CELSR1: variants seen among roughly 807,000 people sequenced by gnomAD.
CELSR1 encodes the protein cadherin EGF LAG seven-pass G-type receptor 1, also known as adhesion G protein-coupled receptor C1.
Under a neutral mutation model 249.1 loss-of-function variants are expected in CELSR1, and 110 were observed. That is an observed-to-expected ratio of 0.44 (90% CI 0.38 to 0.52). The LOEUF (loss-of-function observed/expected upper bound fraction) is 0.52, where lower values mean the gene tolerates loss of function less well. CELSR1 is among the 20% of genes least tolerant of loss of function. CELSR1 has a pLI of 0.00. For missense variants in CELSR1, 4,109 were observed against 4,296.4 expected, an observed-to-expected ratio of 0.96 and a Z score of 1.22; for synonymous variants, 2,113 against 1,900.0, an observed-to-expected ratio of 1.11 and a Z score of -2.92.
intron 1 of CELSR1, among the ~76,000 whole-genome samples, chr22:46,476,648 A>AC: frequency 6.6e-6 from 1 of 152,088 alleles, no homozygotes; most frequent in African/African-American, 2.4e-5. Context: ...CGTGCATGAA[A>AC]CTCACAAACT....
At chr22:46,511,280 C>T (rs1448072061) in intron 1 of CELSR1, among the ~76,000 whole-genome samples, 2 of 152,132 alleles carry the variant, frequency 1.3e-5, no homozygotes, top group Admixed American at 1.3e-4. Flanking sequence ...CAAGGGCACA[C>T]CTGGAGACTC....
At chr22:46,420,051 C>T (rs1441489520) in intron 5 of CELSR1, among the ~76,000 whole-genome samples, 1 of 150,970 alleles carries the variant, frequency 6.6e-6, no homozygotes, top group East Asian at 2.0e-4. Context: ...CTCAAATGTG[C>T]ACTCACCCAC....
chr22:46,495,328 A>T (rs895112514), intron 1 of CELSR1, among the ~76,000 whole-genome samples: 1 of 152,232 alleles, frequency 6.6e-6, no homozygotes, highest in East Asian at 1.9e-4. Flanking sequence ...AAGTCTAAAC[A>T]TATCTAAATA....
chr22:46,481,419 T>C lies in CELSR1; in HGVS notation c.3545-17074A>G, dbSNP rs145704683. Reference sequence around the variant, plus strand: ...CATCCACACACTTGGTCACACCACCTTCCAGCTTCTGCTTCAACTGAAGCT... The same window carrying C: ...CATCCACACACTTGGTCACACCACCCTCCAGCTTCTGCTTCAACTGAAGCT... On this transcript the variant is annotated intron_variant, in intron 1 of 34. Coordinates refer to ENST00000674500, the MANE Select transcript of CELSR1 (RefSeq NM_001378328.1). The C allele has an allele frequency of 6.0e-4, 887 of 1,485,970 alleles. 6 individuals carry two copies. In the African/African-American group the frequency reaches 0.011, roughly 18 times the overall value. 92.0% of individuals were successfully genotyped at this position (1,485,970 alleles called of 1,614,324 possible).
rs143090993 is a variant in CELSR1, at chr22:46,457,546, C to T, written c.4183+6161G>A. Among the ~76,000 whole-genome samples the T allele has an allele frequency of 6.6e-5, 10 of 152,300 alleles. No homozygotes were observed. The East Asian group carries it at 1.9e-3, about 29-fold the overall frequency. On this transcript the variant is annotated intron_variant, in intron 2 of 34. Transcript: ENST00000674500. Reference sequence around the variant, plus strand: ...AGATGTTCAGCCTTGCAGAAAAACCCGCCTTTCCTGTGATATCAGAGCTGC... The same window carrying T: ...AGATGTTCAGCCTTGCAGAAAAACCTGCCTTTCCTGTGATATCAGAGCTGC...
rs1423461248 is a variant in CELSR1 at position 46,423,837 on chromosome 22, T to C, written c.4611+9556A>G. ...AAATACCAAAATTAGCCAGGCGTGGTGGTGGTGCGCACCTGTAATCCCAGC... is the reference window on the plus strand; with the variant it reads ...AAATACCAAAATTAGCCAGGCGTGGCGGTGGTGCGCACCTGTAATCCCAGC... On this transcript the variant is annotated intron_variant, in intron 5 of 34. Transcript: ENST00000674500. This position sits in a 1 kb window ranked among gnomAD's most constrained non-coding sequence, Gnocchi z 5.6. Among the ~76,000 whole-genome samples the C allele has an allele frequency of 6.6e-6, 1 of 151,630 alleles. No individual in the cohort carries two copies.
At position 46,473,815 on chromosome 22, in the gene CELSR1, G is replaced by T. The variant is rs1354317319; in HGVS notation, c.3545-9470C>A. 1.3e-5 allele frequency among the ~76,000 whole-genome samples: 2 copies of T among 152,126 alleles called. No homozygotes were observed. Among genetic ancestry groups the T allele is most frequent in the African/African-American group, 4.8e-5 (2 of 41,412 alleles). On this transcript the variant is annotated intron_variant, in intron 1 of 34. Coordinates refer to ENST00000674500, the MANE Select transcript of CELSR1 (RefSeq NM_001378328.1). This position sits in a 1 kb window ranked among gnomAD's most constrained non-coding sequence, Gnocchi z 6.6. Reference sequence around the variant, plus strand: ...CTGTGTGCGTCTCTCTCTCTTCTGGGTTTGTTTTGTTTTGTTTTAGAGGCC... The same window carrying T: ...CTGTGTGCGTCTCTCTCTCTTCTGGTTTTGTTTTGTTTTGTTTTAGAGGCC...
At chr22:46,516,170 C>A (rs563098790) in intron 1 of CELSR1, among the ~76,000 whole-genome samples, 10 of 152,116 alleles carry the variant, frequency 6.6e-5, no homozygotes, top group Non-Finnish European at 1.3e-4. Flanking sequence ...ATGTTTATTG[C>A]GGCACTACTC....
At position 46,473,116 on chromosome 22, in the gene CELSR1, C is replaced by T. The variant is rs3788704; in HGVS notation, c.3545-8771G>A. On this transcript the variant is annotated intron_variant, in intron 1 of 34. Transcript: ENST00000674500. The surrounding 1 kb of genome is among the most constrained non-coding windows in gnomAD (Gnocchi z 6.6). Reference sequence around the variant, plus strand: ...GACTGCTGCCGGCCTCGTGGGCTCTCGGTGCAGGACGGCGGGGGTGGCTGA... The same window carrying T: ...GACTGCTGCCGGCCTCGTGGGCTCTTGGTGCAGGACGGCGGGGGTGGCTGA... Among the ~76,000 whole-genome samples the T allele has an allele frequency of 0.12, 18,493 of 152,044 alleles. 1,153 individuals are homozygous for T. The highest frequency in any genetic ancestry group is 0.14 in the Admixed American group (2,193 of 15,280).
intron 2 of CELSR1, among the ~76,000 whole-genome samples, chr22:46,444,190 C>A (rs771006293): frequency 7.2e-5 from 11 of 152,234 alleles, no homozygotes; most frequent in Non-Finnish European, 1.3e-4. Context: ...TCCCCTCATC[C>A]GAGGGCTGGA....
rs745630558 is a variant in CELSR1, at chr22:46,363,137, T to G, written c.*86A>C. The G allele has an allele frequency of 6.2e-6, 10 of 1,613,688 alleles. No individual in the cohort carries two copies. In the South Asian group the frequency reaches 1.1e-4, roughly 18 times the overall value. On this transcript the variant is annotated 3_prime_UTR_variant, in exon 35 of 35. Transcript: ENST00000674500. The surrounding 1 kb of genome is among the most constrained non-coding windows in gnomAD (Gnocchi z 4.3). The stretch of plus-strand genomic sequence containing the variant: ...CAGTGGCCCCTTGGGCTCCAAGGTC[T>G]GAGGGTGATGCCGCAGCCTGTGTGG...
At chr22:46,474,413 C>T (rs575903941) in intron 1 of CELSR1, among the ~76,000 whole-genome samples, 2 of 152,258 alleles carry the variant, frequency 1.3e-5, no homozygotes, top group East Asian at 3.9e-4. Flanking sequence ...CCGTTGGTCC[C>T]ACCTAGTCTT....
intron 1 of CELSR1, among the ~76,000 whole-genome samples, chr22:46,511,794 C>T (rs1271073673): frequency 2.0e-5 from 3 of 152,102 alleles, no homozygotes; most frequent in East Asian, 3.9e-4. Flanking sequence ...GGAGGTGTCT[C>T]CCTGGTATGG....
rs2078902922 is a variant in CELSR1 at position 46,374,959 on chromosome 22, C to A, written c.7585-1902G>T. On this transcript the variant is annotated intron_variant, in intron 24 of 34. Coordinates refer to ENST00000674500, the MANE Select transcript of CELSR1 (RefSeq NM_001378328.1). This position sits in a 1 kb window ranked among gnomAD's most constrained non-coding sequence, Gnocchi z 4.3. ...AAGGTTGGCCCTGGCTGGTCTGACA[C>A]ACGCCTCGGGGCTCGTCCTTCATGG... is the stretch of plus-strand genomic sequence containing the variant. Among the ~76,000 whole-genome samples, 1 of 152,162 alleles carries A rather than the reference C, an allele frequency of 6.6e-6. No homozygotes were observed. Among genetic ancestry groups the A allele is most frequent in the African/African-American group, 2.4e-5 (1 of 41,460 alleles).
Position 46,527,550 on chromosome 22 carries a change from G to A in CELSR1, c.3544+6077C>T, listed in dbSNP as rs963349271. 6.6e-6 allele frequency among the ~76,000 whole-genome samples: 1 copy of A among 152,168 alleles called. No homozygotes were observed. Among genetic ancestry groups the A allele is most frequent in the Non-Finnish European group, 1.5e-5 (1 of 68,036 alleles). The stretch of plus-strand genomic sequence containing the variant: ...CCTGAGCTCAGCCCCCTTGCTCATC[G>A]GATGGTCCATCTCCACCCAGCCGCA... On this transcript the variant is annotated intron_variant, in intron 1 of 34. Transcript: ENST00000674500. This position sits in a 1 kb window ranked among gnomAD's most constrained non-coding sequence, Gnocchi z 5.5.
chr22:46,438,670 G>C (rs552904508), intron 3 of CELSR1, among the ~76,000 whole-genome samples: 3 of 152,346 alleles, frequency 2.0e-5, no homozygotes, highest in African/African-American at 7.2e-5. Flanking sequence ...GGAGAGGATA[G>C]TGGTGGTCAC....
At chr22:46,514,733 T>G (rs2337055) in intron 1 of CELSR1, among the ~76,000 whole-genome samples, 94,593 of 151,992 alleles carry the variant, frequency 0.62, 29,705 homozygotes, top group East Asian at 0.76. Context: ...GGCTCTGGAA[T>G]AAGAGGGGTG....
rs142331942 is a variant in CELSR1, at chr22:46,367,814, C to T, written c.7994G>A (p.Ser2665Asn). 2.0e-5 allele frequency: 33 copies of T among 1,611,922 alleles called. No homozygotes were observed. In the African/African-American group the frequency reaches 2.7e-4, roughly 13 times the overall value. Residue 2665 changes from serine (S) to asparagine (N), a missense_variant, in exon 28 of 35, where the codon AGC becomes AAC. By Grantham distance (46) the Ser-to-Asn change is conservative (BLOSUM62 1). Around this residue, in one of 7 missense-constraint regions of CELSR1, gnomAD observed 1,805 missense variants for 1,831.6 expected, o/e 0.99. Coordinates refer to ENST00000674500, the MANE Select transcript of CELSR1 (RefSeq NM_001378328.1). Reference protein sequence around the residue: ...RTAFLLLLLISATWLLGLLAV... With the variant: ...RTAFLLLLLINATWLLGLLAV... Reference sequence around the variant, plus strand: ...CAGCAGCCCCAGCAGCCAGGTGGCGCTGATGAGCAGCAGCAGGAGGAATGC... The same window carrying T: ...CAGCAGCCCCAGCAGCCAGGTGGCGTTGATGAGCAGCAGCAGGAGGAATGC...
intron 1 of CELSR1, among the ~76,000 whole-genome samples, chr22:46,466,540 C>T (rs2080098466): frequency 6.6e-6 from 1 of 152,182 alleles, no homozygotes; most frequent in African/African-American, 2.4e-5. Context: ...TCAAGCCACC[C>T]CAGGGAGGAC....
Sources: gnomAD v4.1 joint callset for allele counts (sites outside exome capture counted in the v4.1 genomes callset) on GRCh38, gnomAD v4.1.1 for gene constraint, gnomAD v4.1.1 regional missense constraint, Gnocchi (gnomAD v3.1) non-coding constraint, MANE v1.5 for transcripts, NCBI Gene and HGNC (gene_info 2026-07-23, HGNC 2026-07-21) for gene names.